ULK4: variants seen among roughly 807,000 people sequenced by gnomAD.
ULK4 encodes inactive serine/threonine-protein kinase ULK4.
A neutral mutation model predicts 160.6 loss-of-function variants in ULK4; 133 were observed. The observed-to-expected ratio is 0.83, with a 90% confidence interval of 0.72 to 0.96. The LOEUF is 0.96. ULK4 is among the 40% of genes least tolerant of loss of function. The pLI, the probability that ULK4 is intolerant of heterozygous loss-of-function variation, is 0.00. For missense variants in ULK4, 1,580 were observed against 1,499.5 expected, an observed-to-expected ratio of 1.05 and a Z score of -0.89; for synonymous variants, 534 against 539.8, an observed-to-expected ratio of 0.99 and a Z score of 0.15.
intron 30 of ULK4, among the ~76,000 whole-genome samples, chr3:41,638,507 C>T (rs547473689): frequency 8.3e-4 from 127 of 152,228 alleles, no homozygotes; most frequent in South Asian, 1.5e-3. Context: ...ATGACTTCAC[C>T]GCCTGGGTTT....
chr3:41,872,618 T>A (rs1697137939), intron 17 of ULK4, among the ~76,000 whole-genome samples: 2 of 150,994 alleles, frequency 1.3e-5, no homozygotes. Context: ...AGCTTCTACC[T>A]ACTTTTGTTT....
intron 19 of ULK4, among the ~76,000 whole-genome samples, chr3:41,807,056 A>G (rs1256583863): frequency 6.6e-6 from 1 of 152,022 alleles, no homozygotes; most frequent in African/African-American, 2.4e-5. Flanking sequence ...TGATCCCAGG[A>G]GGCAGAGGTT....
intron 35 of ULK4, among the ~76,000 whole-genome samples, chr3:41,330,615 G>A (rs919989694): frequency 1.3e-4 from 20 of 152,182 alleles, no homozygotes; most frequent in African/African-American, 4.6e-4. Context: ...CATAGGCTGA[G>A]AAGCCATGTT....
intron 32 of ULK4, among the ~76,000 whole-genome samples, chr3:41,532,133 G>A (rs1399415990): frequency 3.9e-5 from 6 of 152,248 alleles, no homozygotes; most frequent in South Asian, 4.2e-4. Context: ...TGTGTACTCC[G>A]ACCGCATCAA....
intron 5 of ULK4, among the ~76,000 whole-genome samples, chr3:41,928,966 G>A (rs927720121): frequency 2.0e-5 from 3 of 151,852 alleles, no homozygotes; most frequent in African/African-American, 7.3e-5. Context: ...ATAAAAAGAG[G>A]GACTCCTGCT....
chr3:41,267,525 A>G (rs1018102955), intron 35 of ULK4, among the ~76,000 whole-genome samples: 14 of 152,140 alleles, frequency 9.2e-5, no homozygotes, highest in Non-Finnish European at 1.3e-4. Context: ...TTGGGTATAT[A>G]CCCAGTAATG....
intron 22 of ULK4, among the ~76,000 whole-genome samples, chr3:41,736,212 T>G (rs567154530): frequency 1.2e-3 from 189 of 151,848 alleles, no homozygotes; most frequent in Non-Finnish European, 2.3e-3. Flanking sequence ...TACCCAGTAA[T>G]GGGATGGCTG....
At position 41,830,645 on chromosome 3, in the gene ULK4, T is replaced by C. The variant is rs544935203; in HGVS notation, c.1764+5219A>G. On this transcript the variant is annotated intron_variant, in intron 18 of 36. Coordinates refer to ENST00000301831, the MANE Select transcript of ULK4 (RefSeq NM_017886.4). The stretch of plus-strand genomic sequence containing the variant: ...ACTATAGGACCAAAAAAAGAAGAAT[T>C]AGACTAGACTGTCATTATTGGTAAG... 5.9e-5 allele frequency among the ~76,000 whole-genome samples: 9 copies of C among 152,188 alleles called. No homozygotes were observed. In the South Asian group the frequency reaches 1.7e-3, roughly 28 times the overall value.
At chr3:41,352,647 A>G (rs1575459345) in intron 35 of ULK4, among the ~76,000 whole-genome samples, 1 of 152,190 alleles carries the variant, frequency 6.6e-6, no homozygotes, top group East Asian at 1.9e-4. Context: ...AATAGTAAAC[A>G]CCATACTAAC....
At chr3:41,806,441 G>T (rs549984550) in intron 19 of ULK4, among the ~76,000 whole-genome samples, 4 of 152,180 alleles carry the variant, frequency 2.6e-5, no homozygotes, top group Admixed American at 2.6e-4. Flanking sequence ...ACCAGCTCCT[G>T]GATTCATTAA....
intron 31 of ULK4, among the ~76,000 whole-genome samples, chr3:41,603,411 C>T (rs2125666323): frequency 6.6e-6 from 1 of 152,230 alleles, no homozygotes; most frequent in African/African-American, 2.4e-5. Context: ...GACTCCAACA[C>T]TCCTCTCTCC....
At chr3:41,934,726 T>A (rs997520223) in intron 4 of ULK4, among the ~76,000 whole-genome samples, 15 of 152,216 alleles carry the variant, frequency 9.9e-5, no homozygotes, top group African/African-American at 3.6e-4. Context: ...GAAGCACATT[T>A]AGTTATGGAT....
At chr3:41,918,332 C>A in intron 7 of ULK4, 125 bp downstream of exon 7, 1 of 571,486 alleles carries the variant, frequency 1.7e-6, no homozygotes, top group Non-Finnish European at 3.0e-6. Context: ...AAAATATCAA[C>A]TTGGGATCAT....
intron 29 of ULK4, among the ~76,000 whole-genome samples, chr3:41,664,436 TCC>T: frequency 6.6e-6 from 1 of 152,190 alleles, no homozygotes. Context: ...AGCACACTCT[TCC>T]CCCAGCAATC....
At chr3:41,478,006 G>A (rs1166841811) in intron 32 of ULK4, among the ~76,000 whole-genome samples, 3 of 152,224 alleles carry the variant, frequency 2.0e-5, no homozygotes, top group Non-Finnish European at 4.4e-5. Flanking sequence ...CTTGTCACCA[G>A]GCCAATGCCT....
chr3:41,937,878 T>C (rs1299329112), intron 3 of ULK4: 4 of 332,518 alleles, frequency 1.2e-5, no homozygotes, highest in African/African-American at 2.1e-5. Context: ...TAAATTTTTA[T>C]GTATATAACG....
chr3:41,827,443 G>A (rs184872447), intron 18 of ULK4, among the ~76,000 whole-genome samples: 171 of 151,896 alleles, frequency 1.1e-3, no homozygotes, highest in African/African-American at 3.9e-3. Flanking sequence ...TCAAATAGAC[G>A]CAATAAAAAA....
chr3:41,709,062 T>A (rs1017619736), intron 25 of ULK4, among the ~76,000 whole-genome samples: 1 of 152,138 alleles, frequency 6.6e-6, no homozygotes, highest in African/African-American at 2.4e-5. Context: ...TACAAATGCA[T>A]CTATATGAAT....
At chr3:41,687,210 T>C (rs2036132243) in intron 27 of ULK4, among the ~76,000 whole-genome samples, 1 of 151,962 alleles carries the variant, frequency 6.6e-6, no homozygotes, top group South Asian at 2.1e-4. Context: ...CCGTATCTAC[T>C]AAAAATACAA....
Sources: gnomAD v4.1 joint callset for allele counts (sites outside exome capture counted in the v4.1 genomes callset) on GRCh38, gnomAD v4.1.1 for gene constraint, MANE v1.5 for transcripts, NCBI Gene and HGNC (gene_info 2026-07-23, HGNC 2026-07-21) for gene names.